The following ETV1 variants were observed in gnomAD, a reference collection of about 807,000 sequenced individuals.
The protein encoded by ETV1 is ETS translocation variant 1.
A neutral mutation model predicts 62.3 loss-of-function variants in ETV1; 27 were observed. The observed-to-expected ratio is 0.43, with a 90% CI of 0.32 to 0.60. ETV1 has a LOEUF of 0.60. Among genes scored for constraint, ETV1 ranks in the 20% least tolerant of loss-of-function variants. The probability of loss-of-function intolerance (pLI) is 0.06; values close to 1 mark genes in which losing one functional copy is unlikely to be tolerated. For missense variants in ETV1, 605 were observed against 605.8 expected (o/e 1.00, Z 0.01); for synonymous variants, 222 against 199.6 (o/e 1.11, Z -0.94).
rs531769320 is a variant in ETV1 at position 13,931,698 on chromosome 7, C to T, written c.606G>A (p.Thr202=). The T allele has an allele frequency of 6.6e-5, 106 of 1,613,946 alleles. No individual in the cohort carries two copies. The East Asian group carries it at 2.1e-3, about 32-fold the overall frequency. The change falls in exon 9 of 14, where the codon ACG becomes ACA. Residue 202 remains threonine, a synonymous_variant. Transcript: ENST00000430479. ...ACATAGGACGTCCTTCCCTTGGCAT[C>T]GTCGGCAAAGGAGGAAAGGAGTTAC... The part of the protein sequence containing the change: ...EPCNSFPPLP[T]MPREGRPMYQ...
chr7:13,912,048 C>T lies in ETV1; in HGVS notation c.803-741G>A, dbSNP rs112334417. Among the ~76,000 whole-genome samples the T allele has an allele frequency of 6.4e-3, 977 of 152,308 alleles. 10 individuals carry two copies. Among genetic ancestry groups the T allele is most frequent in the African/African-American group, 0.022 (920 of 41,564 alleles). On this transcript the variant is annotated intron_variant, in intron 9 of 13. Coordinates refer to ENST00000430479, the MANE Select transcript of ETV1 (RefSeq NM_004956.5). Reference sequence around the variant, plus strand: ...AATAACTCTGCCATCAGCTCAGCAGCTGCTTTGAGGCAAGCATTTTGTTGA... The same window carrying T: ...AATAACTCTGCCATCAGCTCAGCAGTTGCTTTGAGGCAAGCATTTTGTTGA...
intron 9 of ETV1, among the ~76,000 whole-genome samples, chr7:13,919,053 T>C (rs1368539350): frequency 1.3e-5 from 2 of 152,110 alleles, no homozygotes; most frequent in Non-Finnish European, 2.9e-5. Flanking sequence ...TTTGAAGAAG[T>C]ATCTAGTCAA....
intron 5 of ETV1, among the ~76,000 whole-genome samples, chr7:13,982,483 T>C (rs1197413580): frequency 6.6e-6 from 1 of 152,012 alleles, no homozygotes; most frequent in Non-Finnish European, 1.5e-5. Flanking sequence ...TGAAAAAACA[T>C]TTATGCAATT....
intron 6 of ETV1, among the ~76,000 whole-genome samples, chr7:13,945,358 C>T (rs572915010): frequency 1.8e-4 from 27 of 152,190 alleles, no homozygotes; most frequent in Non-Finnish European, 3.1e-4. Context: ...CAAGTTCTCC[C>T]GCTCCAGTAG....
chr7:13,985,631 TTTG>T (rs1380736535), intron 5 of ETV1: 1 of 160,114 alleles, frequency 6.2e-6, no homozygotes, highest in Non-Finnish European at 1.4e-5. Context: ...TGTTCCAAAA[TTTG>T]CATGTTTCCC....
chr7:13,924,316 T>A (rs970269530), intron 9 of ETV1, among the ~76,000 whole-genome samples: 15 of 152,164 alleles, frequency 9.9e-5, no homozygotes, highest in African/African-American at 3.6e-4. Flanking sequence ...GGAAGGGCCA[T>A]TAATTAGCCA....
chr7:13,948,861 T>TA (rs1207510743), intron 6 of ETV1, among the ~76,000 whole-genome samples: 2 of 152,166 alleles, frequency 1.3e-5, no homozygotes, highest in Non-Finnish European at 2.9e-5. Flanking sequence ...CACTTAATTT[T>TA]AATCTCTTAA....
chr7:13,918,640 C>G (rs868713655), intron 9 of ETV1, among the ~76,000 whole-genome samples: 1 of 151,338 alleles, frequency 6.6e-6, no homozygotes, highest in Non-Finnish European at 1.5e-5. Flanking sequence ...AACCAAACAC[C>G]GCATATTCTC....
intron 6 of ETV1, among the ~76,000 whole-genome samples, chr7:13,947,508 A>C (rs1788316031): frequency 6.6e-6 from 1 of 152,162 alleles, no homozygotes; most frequent in Admixed American, 6.5e-5. Flanking sequence ...AATAATTCCC[A>C]TTTAACAGAT....
At chr7:13,962,202 C>T (rs182071069) in intron 6 of ETV1, among the ~76,000 whole-genome samples, 334 of 148,948 alleles carry the variant, frequency 2.2e-3, no homozygotes, top group Middle Eastern at 0.014. Context: ...CACACACACA[C>T]GTGTGTGTGT....
At chr7:13,930,204 T>C (rs1008230217) in intron 9 of ETV1, among the ~76,000 whole-genome samples, 4 of 152,186 alleles carry the variant, frequency 2.6e-5, no homozygotes, top group African/African-American at 9.7e-5. Flanking sequence ...ATACCTGAGA[T>C]GTGTTAAAAA....
At chr7:13,951,560 G>A (rs10261433) in intron 6 of ETV1, among the ~76,000 whole-genome samples, 3,926 of 152,176 alleles carry the variant, frequency 0.026, 189 homozygotes, top group African/African-American at 0.09. Flanking sequence ...GAATCATCAA[G>A]TGTTACAGCC....
intron 6 of ETV1, among the ~76,000 whole-genome samples, chr7:13,959,710 C>A (rs1479300998): frequency 6.6e-6 from 1 of 151,612 alleles, no homozygotes; most frequent in African/African-American, 2.4e-5. Flanking sequence ...ATCGTGAAAC[C>A]CTGTCTCTAC....
At chr7:13,979,124 T>C (rs1206028243) in intron 5 of ETV1, among the ~76,000 whole-genome samples, 7 of 152,122 alleles carry the variant, frequency 4.6e-5, no homozygotes, top group African/African-American at 1.7e-4. Flanking sequence ...TTCTGTGACA[T>C]GCTAGTTGTG....
At position 13,970,499 on chromosome 7, in the gene ETV1, T is replaced by A. The variant is rs1270826071; in HGVS notation, c.235+6928A>T. Among the ~76,000 whole-genome samples the A allele has an allele frequency of 2.6e-5, 4 of 152,258 alleles. No individual in the cohort carries two copies. The East Asian group carries it at 7.7e-4, about 29-fold the overall frequency. ...GTTTAAATATGCCTCAAAAAAAGTTTTAAATCTTTTTGAAATTGAAAACAA... is the reference window on the plus strand; with the variant it reads ...GTTTAAATATGCCTCAAAAAAAGTTATAAATCTTTTTGAAATTGAAAACAA... On this transcript the variant is annotated intron_variant, in intron 6 of 13. Transcript: ENST00000430479.
At chr7:13,940,348 C>T (rs1176712176) in intron 6 of ETV1, among the ~76,000 whole-genome samples, 2 of 141,118 alleles carry the variant, frequency 1.4e-5, no homozygotes, top group Admixed American at 7.5e-5. Context: ...GGCAACAGAG[C>T]GAGACTCCAC....
intron 12 of ETV1, among the ~76,000 whole-genome samples, chr7:13,904,105 G>C (rs1038019341): frequency 1.3e-5 from 2 of 152,120 alleles, no homozygotes; most frequent in Non-Finnish European, 2.9e-5. Flanking sequence ...ACAAAGACAA[G>C]AAATTTCACA....
chr7:13,899,264 A>C (rs1388486258), intron 13 of ETV1, among the ~76,000 whole-genome samples: 1 of 152,202 alleles, frequency 6.6e-6, no homozygotes, highest in African/African-American at 2.4e-5. Context: ...AGAGAAAGGG[A>C]GGAATTAGAA....
intron 12 of ETV1, among the ~76,000 whole-genome samples, chr7:13,903,217 A>G (rs1458915068): frequency 2.6e-5 from 4 of 152,232 alleles, no homozygotes; most frequent in Admixed American, 2.0e-4. Context: ...TTGAGTTGTT[A>G]GTGAAGAGAG....
Sources: allele counts gnomAD v4.1 joint callset (sites outside exome capture counted in the v4.1 genomes callset), GRCh38; gene constraint gnomAD v4.1.1; transcripts MANE v1.5; gene names NCBI Gene and HGNC (gene_info 2026-07-23, HGNC 2026-07-21).